ENOX1: variants seen among roughly 807,000 people sequenced by gnomAD.
ENOX1 encodes the protein candidate growth-related and time keeping constitutive hydroquinone (NADH) oxidase.
A neutral mutation model predicts 82.5 loss-of-function variants in ENOX1; 42 were observed. That is an observed-to-expected ratio of 0.51 (90% confidence interval 0.40 to 0.66). The LOEUF is 0.66. Among genes scored for constraint, ENOX1 ranks in the 30% least tolerant of loss-of-function variants. The probability of loss-of-function intolerance (pLI) is 0.00; values close to 1 mark genes in which losing one functional copy is unlikely to be tolerated. For synonymous variants in ENOX1, 271 were observed against 282.2 expected, an observed-to-expected ratio of 0.96 and a Z score of 0.40; for missense variants, 608 against 811.6, an observed-to-expected ratio of 0.75 and a Z score of 3.05.
intron 1 of ENOX1, among the ~76,000 whole-genome samples, chr13:43,782,226 C>A (rs903109241): frequency 2.6e-5 from 4 of 152,116 alleles, no homozygotes; most frequent in African/African-American, 9.7e-5. Flanking sequence ...TCTCAAGATT[C>A]CAGTTGGTTA....
intron 2 of ENOX1, among the ~76,000 whole-genome samples, chr13:43,650,853 A>G: frequency 6.6e-6 from 1 of 152,176 alleles, no homozygotes; most frequent in East Asian, 1.9e-4. Flanking sequence ...GCAAAACAAA[A>G]CCAAACTCCT....
At chr13:43,498,213 T>C (rs898223115) in intron 2 of ENOX1, among the ~76,000 whole-genome samples, 2 of 152,100 alleles carry the variant, frequency 1.3e-5, no homozygotes, top group African/African-American at 2.4e-5. Flanking sequence ...AAACAGATTA[T>C]AGTGTCCTCA....
chr13:43,446,056 C>A (rs989422894), intron 3 of ENOX1, among the ~76,000 whole-genome samples: 1 of 152,136 alleles, frequency 6.6e-6, no homozygotes, highest in East Asian at 1.9e-4. Context: ...TTCCTAAATG[C>A]CAACCCACAA....
rs1047493706 is a variant in ENOX1, at chr13:43,512,621, T to G, written c.-218-28469A>C. On this transcript the variant is annotated intron_variant, in intron 2 of 16. Coordinates refer to ENST00000690772, the MANE Select transcript of ENOX1 (RefSeq NM_001347969.2). ...CTTCCAAAACCAATGTGTGTGGGTT[T>G]TTTTTTTTTTTTTTTCCCATTTTGG... Among the ~76,000 whole-genome samples, 27 of 103,000 alleles carry G rather than the reference T, an allele frequency of 2.6e-4. 1 individual carries two copies. In the East Asian group the frequency reaches 6.4e-3, roughly 24 times the overall value. 67.6% of individuals were successfully genotyped at this position (103,000 alleles called of 152,430 possible). A position where few individuals can be genotyped will look rare whatever the true frequency, so the allele number is the denominator to read the frequency against.
chr13:43,471,932 CTTT>C (rs1341760041), intron 3 of ENOX1, among the ~76,000 whole-genome samples: 1 of 151,176 alleles, frequency 6.6e-6, no homozygotes, highest in African/African-American at 2.4e-5. Context: ...CTGTAAACTT[CTTT>C]AAACTATTTG....
chr13:43,524,345 G>T (rs2077900587), intron 2 of ENOX1, among the ~76,000 whole-genome samples: 1 of 152,148 alleles, frequency 6.6e-6, no homozygotes, highest in Non-Finnish European at 1.5e-5. Flanking sequence ...CCTCACACAC[G>T]TGTTCCTCTC....
intron 2 of ENOX1, among the ~76,000 whole-genome samples, chr13:43,571,073 A>T (rs1410946): frequency 0.97 from 147,961 of 152,252 alleles, 72,040 homozygotes; most frequent in Non-Finnish European, 1. Flanking sequence ...ATTGAACATG[A>T]CTAGCTCATT....
In ENOX1 at chr13:43,272,442, GGTGT is replaced by G. The variant is rs896673546; in HGVS notation, c.1447-2869_1447-2866del. On this transcript the variant is annotated intron_variant, in intron 12 of 16. Coordinates refer to ENST00000690772, the MANE Select transcript of ENOX1 (RefSeq NM_001347969.2). ...TATGCCAGTCTACCTGCCTGTCAGT[GGTGT>G]GTAAGAGCTGCTGTGCTCTACTGAA... 5.3e-5 allele frequency among the ~76,000 whole-genome samples: 8 copies of G among 152,160 alleles called. No individual in the cohort carries two copies. In the East Asian group the frequency reaches 7.7e-4, roughly 15 times the overall value.
chr13:43,295,904 C>T (rs1430118170), intron 12 of ENOX1, among the ~76,000 whole-genome samples: 1 of 152,160 alleles, frequency 6.6e-6, no homozygotes, highest in Non-Finnish European at 1.5e-5. Flanking sequence ...GCCTAACAAC[C>T]AGTAAACATT....
At chr13:43,511,769 G>A (rs1030046374) in intron 2 of ENOX1, among the ~76,000 whole-genome samples, 3 of 152,082 alleles carry the variant, frequency 2.0e-5, no homozygotes, top group Non-Finnish European at 2.9e-5. Context: ...CTCCTTGTAG[G>A]GGAAAAACTG....
chr13:43,355,519 G>A (rs1276823450), intron 8 of ENOX1, among the ~76,000 whole-genome samples: 1 of 152,190 alleles, frequency 6.6e-6, no homozygotes, highest in Admixed American at 6.5e-5. Flanking sequence ...GGAACACTAA[G>A]AACGCCCCAC....
chr13:43,437,889 C>G (rs933819985), intron 3 of ENOX1, among the ~76,000 whole-genome samples: 1 of 152,052 alleles, frequency 6.6e-6, no homozygotes, highest in East Asian at 1.9e-4. Context: ...ACAGAAACAA[C>G]ACAGAAGAAA....
intron 2 of ENOX1, among the ~76,000 whole-genome samples, chr13:43,628,621 C>T (rs1328923327): frequency 6.6e-6 from 1 of 152,210 alleles, no homozygotes; most frequent in African/African-American, 2.4e-5. Context: ...TTGACTGTCT[C>T]TTTTCATACA....
At chr13:43,372,668 T>C (rs117467792) in intron 5 of ENOX1, among the ~76,000 whole-genome samples, 1 of 152,194 alleles carries the variant, frequency 6.6e-6, no homozygotes, top group Non-Finnish European at 1.5e-5. Context: ...ATTTCACTCA[T>C]CTGCTATTAA....
intron 2 of ENOX1, among the ~76,000 whole-genome samples, chr13:43,590,002 G>A (rs1354782203): frequency 6.6e-6 from 1 of 152,030 alleles, no homozygotes; most frequent in Admixed American, 6.5e-5. Flanking sequence ...ATGTAGGTGA[G>A]GAACTAAGCC....
intron 3 of ENOX1, among the ~76,000 whole-genome samples, chr13:43,448,394 A>G (rs1039411837): frequency 6.6e-6 from 1 of 152,260 alleles, no homozygotes; most frequent in African/African-American, 2.4e-5. Flanking sequence ...TTCAAACGGC[A>G]AATAAAGATT....
rs952176716 is a variant in ENOX1 at position 43,786,437 on chromosome 13, ACGGGGCACGG to A, written c.-285+205_-285+214del. On this transcript the variant is annotated intron_variant, in intron 1 of 16. Coordinates refer to ENST00000690772, the MANE Select transcript of ENOX1 (RefSeq NM_001347969.2). This position sits in a 1 kb window ranked among gnomAD's most constrained non-coding sequence, Gnocchi z 6.0. ...GCGCGTAAAAGTGAGGGAGCTTGAGACGGGGCACGGCGGGGAAGGGCGTGGGGGCTGCACC... is the reference window on the plus strand; with the variant it reads ...GCGCGTAAAAGTGAGGGAGCTTGAGACGGGGAAGGGCGTGGGGGCTGCACC... Among the ~76,000 whole-genome samples the A allele has an allele frequency of 4.0e-5, 6 of 150,664 alleles. No individual in the cohort carries two copies. Among genetic ancestry groups the A allele is most frequent in the African/African-American group, 1.5e-4 (6 of 40,978 alleles).
intron 2 of ENOX1, among the ~76,000 whole-genome samples, chr13:43,552,170 T>C (rs941632676): frequency 1.3e-5 from 2 of 152,128 alleles, no homozygotes; most frequent in Non-Finnish European, 2.9e-5. Context: ...AAGTATTCAT[T>C]GACAGTTTCA....
intron 2 of ENOX1, among the ~76,000 whole-genome samples, 181 bp from the exon 3 acceptor site, chr13:43,484,333 A>G (rs2058614383): frequency 6.6e-6 from 1 of 152,198 alleles, no homozygotes; most frequent in Non-Finnish European, 1.5e-5. Flanking sequence ...TCAATATCGT[A>G]TTTAGAAATT....
Sources: allele counts gnomAD v4.1 joint callset (sites outside exome capture counted in the v4.1 genomes callset), GRCh38; gene constraint gnomAD v4.1.1; non-coding constraint Gnocchi (gnomAD v3.1); transcripts MANE v1.5; gene names NCBI Gene and HGNC (gene_info 2026-07-23, HGNC 2026-07-21).